TXNDC9: variants seen among roughly 807,000 people sequenced by gnomAD.
TXNDC9 encodes the protein thioredoxin domain-containing protein 9.
Under a neutral mutation model 23.0 loss-of-function variants are expected in TXNDC9, and 7 were observed. The observed-to-expected ratio is 0.30, with a 90% CI of 0.17 to 0.57. TXNDC9 has a LOEUF of 0.57. Among genes scored for constraint, TXNDC9 ranks in the 20% least tolerant of loss-of-function variants. TXNDC9 has a pLI of 0.90. For synonymous variants in TXNDC9, 72 were observed against 90.6 expected, an observed-to-expected ratio of 0.79 and a Z score of 1.17; for missense variants, 198 against 252.6, an observed-to-expected ratio of 0.78 and a Z score of 1.47.
intron 3 of TXNDC9, among the ~76,000 whole-genome samples, chr2:99,326,551 G>C (rs765403433): frequency 5.3e-5 from 8 of 152,148 alleles, no homozygotes; most frequent in Non-Finnish European, 8.8e-5. Context: ...GTTATCTCTC[G>C]ATTTTTAAGT....
intron 3 of TXNDC9, 136 bp from the exon 4 acceptor site, chr2:99,322,345 G>T: frequency 7.6e-7 from 1 of 1,313,838 alleles, no homozygotes; most frequent in African/African-American, 1.5e-5. Context: ...TTAAACTTGT[G>T]TCAGATGACC....
chr2:99,328,475 G>A (rs902739915), intron 2 of TXNDC9, among the ~76,000 whole-genome samples: 1 of 152,022 alleles, frequency 6.6e-6, no homozygotes, highest in Non-Finnish European at 1.5e-5. Flanking sequence ...ACTAGTCTAC[G>A]GACAGTGAAC....
chr2:99,327,607 T>A lies in TXNDC9; in HGVS notation c.236A>T (p.Glu79Val). The A allele has an allele frequency of 1.9e-6, 3 of 1,613,940 alleles. No individual in the cohort carries two copies. The highest frequency in any genetic ancestry group is 2.5e-6 in the Non-Finnish European group (3 of 1,179,934). ...CTTGACTTCTTGAAAAAAGTCTCTT[T>A]CACTAGGGATTTCTCTGTATTCCCC... ...GHGEYREIPSERDFFQEVKES... is the reference protein window; with the variant it reads ...GHGEYREIPSVRDFFQEVKES... Residue 79 changes from glutamate to valine, a missense_variant, in exon 3 of 5, where the codon GAA becomes GTA. Transcript: ENST00000264255.
the TXNDC9 span, among the ~76,000 whole-genome samples, chr2:99,312,908 A>G: frequency 6.6e-6 from 1 of 152,100 alleles, no homozygotes; most frequent in African/African-American, 2.4e-5. Flanking sequence ...CATGCCTGTA[A>G]TCCCAGCCCT....
chr2:99,334,516 T>C (rs2105327578), intron 1 of TXNDC9, among the ~76,000 whole-genome samples: 1 of 152,334 alleles, frequency 6.6e-6, no homozygotes, highest in Middle Eastern at 3.4e-3. Flanking sequence ...CTATTACTCC[T>C]AGGCTACAAA....
chr2:99,328,093 A>G (rs1429274694), intron 2 of TXNDC9, among the ~76,000 whole-genome samples: 1 of 151,194 alleles, frequency 6.6e-6, no homozygotes, highest in Non-Finnish European at 1.5e-5. Flanking sequence ...CAAAAGTGTT[A>G]TTTATTTATT....
chr2:99,313,217 C>G, the TXNDC9 span, among the ~76,000 whole-genome samples: 1 of 151,962 alleles, frequency 6.6e-6, no homozygotes, highest in African/African-American at 2.4e-5. Context: ...AACTGCCAAC[C>G]AAGTCTTTTT....
intron 1 of TXNDC9, among the ~76,000 whole-genome samples, chr2:99,335,882 T>C (rs968011252): frequency 6.6e-6 from 1 of 152,230 alleles, no homozygotes; most frequent in Non-Finnish European, 1.5e-5. Flanking sequence ...TCTTCCTTTT[T>C]ACAGCTCCGC....
the TXNDC9 span, among the ~76,000 whole-genome samples, chr2:99,307,011 C>CT: frequency 1.3e-5 from 1 of 79,310 alleles, no homozygotes; most frequent in Admixed American, 1.7e-4. Flanking sequence ...AATTCCCTCC[C>CT]TCCCTTCCTT....
the TXNDC9 span, among the ~76,000 whole-genome samples, chr2:99,311,260 G>A: frequency 3.3e-5 from 5 of 152,036 alleles, no homozygotes; most frequent in Admixed American, 2.0e-4. Context: ...GTGGAGATGG[G>A]GTCTTCCTAT....
chr2:99,332,787 C>T (rs1461805624), intron 2 of TXNDC9: 4 of 429,466 alleles, frequency 9.3e-6, no homozygotes, highest in Admixed American at 4.2e-5. Context: ...CTCAGAAAAA[C>T]GATCTTGGGC....
chr2:99,307,833 A>G, the TXNDC9 span, among the ~76,000 whole-genome samples: 1 of 148,674 alleles, frequency 6.7e-6, no homozygotes, highest in African/African-American at 2.5e-5. Flanking sequence ...TGTTAACTGA[A>G]AGCCAAAAGA....
In TXNDC9 at chr2:99,333,304, AC is replaced by A. The variant is rs2094230344; in HGVS notation, c.-32-63del. 4.3e-6 allele frequency: 6 copies of A among 1,411,302 alleles called. No individual in the cohort carries two copies. In the East Asian group the frequency reaches 1.5e-4, roughly 35 times the overall value. The allele number at this position is 1,411,302 out of a possible 1,614,324, so 87.4% of individuals were successfully genotyped here. On this transcript the variant is annotated intron_variant, in intron 1 of 4. Coordinates refer to ENST00000264255, the MANE Select transcript of TXNDC9 (RefSeq NM_005783.4). Reference sequence around the variant, plus strand: ...GCAAACAATAAGCAAGGTTTTCTCTACCATTTTCAAAAATTCTGGCAAGTGT... The same window carrying A: ...GCAAACAATAAGCAAGGTTTTCTCTACATTTTCAAAAATTCTGGCAAGTGT...
intron 3 of TXNDC9, 135 bp from the exon 4 acceptor site, chr2:99,322,344 T>G: frequency 7.6e-7 from 1 of 1,322,084 alleles, no homozygotes; most frequent in African/African-American, 1.5e-5. Flanking sequence ...CTTAAACTTG[T>G]GTCAGATGAC....
intron 2 of TXNDC9, among the ~76,000 whole-genome samples, chr2:99,330,589 G>A (rs963406715): frequency 2.6e-5 from 4 of 152,102 alleles, no homozygotes; most frequent in Non-Finnish European, 5.9e-5. Context: ...GTCAGTGGCT[G>A]TCACCCAAGC....
the TXNDC9 span, chr2:99,306,755 G>A: frequency 7.0e-6 from 3 of 430,568 alleles, no homozygotes; most frequent in Non-Finnish European, 1.4e-5. Context: ...TCAGAACAGG[G>A]GCCAGCAACC....
Position 99,327,146 on chromosome 2 carries a change from C to A in TXNDC9, c.308+389G>T, listed in dbSNP as rs144534633. 2.0e-5 allele frequency among the ~76,000 whole-genome samples: 3 copies of A among 152,258 alleles called. No homozygotes were observed. The East Asian group carries it at 5.8e-4, about 29-fold the overall frequency. On this transcript the variant is annotated intron_variant, in intron 3 of 4. Transcript: ENST00000264255. ...GAAGTGCAGTGTCGCGATCTCCGCT[C>A]ACTGCAACCTCTGTCTCCTGGGTTC...
At chr2:99,309,148 G>T in the TXNDC9 span, among the ~76,000 whole-genome samples, 1 of 152,100 alleles carries the variant, frequency 6.6e-6, no homozygotes, top group African/African-American at 2.4e-5. Flanking sequence ...TGAGGCAGGT[G>T]GATTGCTTGA....
At chr2:99,322,531 G>C in intron 3 of TXNDC9, 5 of 1,479,346 alleles carry the variant, frequency 3.4e-6, no homozygotes, top group Non-Finnish European at 4.5e-6. Context: ...GGAACAAACT[G>C]AAACTTGACA....
Sources: gnomAD v4.1 joint callset for allele counts (sites outside exome capture counted in the v4.1 genomes callset) on GRCh38, gnomAD v4.1.1 for gene constraint, MANE v1.5 for transcripts, NCBI Gene and HGNC (gene_info 2026-07-23, HGNC 2026-07-21) for gene names.